The following SH3D19 variants were observed in gnomAD, a reference collection of about 807,000 sequenced individuals.
SH3D19 encodes the protein SH3 domain containing 19.
In SH3D19, 58 loss-of-function variants were observed where a neutral mutation model predicts 112.1. The ratio of observed to expected loss-of-function variants is 0.52; its 90% CI spans 0.42 to 0.64. SH3D19 has a LOEUF of 0.64. Among genes scored for constraint, SH3D19 ranks in the 30% least tolerant of loss-of-function variants. The pLI, the probability that SH3D19 is intolerant of heterozygous loss-of-function variation, is 0.00. For missense variants in SH3D19, 1,090 were observed against 1,263.4 expected (o/e 0.86, Z 2.08); for synonymous variants, 391 against 448.5 (o/e 0.87, Z 1.62).
In SH3D19 at chr4:151,148,254, T is replaced by TACAC. The variant is rs34219685; in HGVS notation, c.1818-72_1818-69dup. The TACAC allele has an allele frequency of 6.7e-3, 6,556 of 983,160 alleles. 160 individuals carry two copies. The African/African-American group carries it at 0.083, about 12-fold the overall frequency. The allele number at this position is 983,160 out of a possible 1,614,324, so 60.9% of individuals were successfully genotyped here. ...TATTAAATTCTGTCCTGTCCTGTCT[T>TACAC]ACACACACACACACACACACACACA... is the stretch of plus-strand genomic sequence containing the variant. On this transcript the variant is annotated intron_variant, in intron 10 of 19. Transcript: ENST00000604030.
At chr4:151,151,741 C>T (rs1373828969) in intron 9 of SH3D19, among the ~76,000 whole-genome samples, 1 of 152,196 alleles carries the variant, frequency 6.6e-6, no homozygotes, top group Non-Finnish European at 1.5e-5. Flanking sequence ...ACACTGCTGC[C>T]TATATTTTTC....
intron 1 of SH3D19, among the ~76,000 whole-genome samples, chr4:151,285,467 AAT>A (rs1774655011): frequency 6.6e-6 from 1 of 152,236 alleles, no homozygotes; most frequent in African/African-American, 2.4e-5. Flanking sequence ...GAAATTCACA[AAT>A]ATGTGGAAAG....
chr4:151,169,147 G>T (rs1468346897), intron 7 of SH3D19, among the ~76,000 whole-genome samples: 1 of 152,160 alleles, frequency 6.6e-6, no homozygotes, highest in African/African-American at 2.4e-5. Flanking sequence ...GATTTAAATT[G>T]AAGTAGCATA....
At chr4:151,158,682 C>CA (rs200621199) in intron 9 of SH3D19, among the ~76,000 whole-genome samples, 1,777 of 85,056 alleles carry the variant, frequency 0.021, 36 homozygotes, top group African/African-American at 0.054. Context: ...GTTGGAAGAC[C>CA]AAAAAAAAAA....
chr4:151,282,123 C>G (rs1458976358), intron 1 of SH3D19: 3 of 1,610,770 alleles, frequency 1.9e-6, no homozygotes, highest in Middle Eastern at 1.7e-4. Flanking sequence ...AGGCCATAAG[C>G]AGGCCTCCTT....
At chr4:151,231,274 C>G (rs1404812876) in intron 1 of SH3D19, among the ~76,000 whole-genome samples, 1 of 152,130 alleles carries the variant, frequency 6.6e-6, no homozygotes. Context: ...TTTTACTTAT[C>G]AGATATCAGA....
chr4:151,131,377 T>TA (rs1247655600), intron 17 of SH3D19, among the ~76,000 whole-genome samples: 52 of 152,282 alleles, frequency 3.4e-4, no homozygotes, highest in African/African-American at 1.3e-3. Context: ...CTGAATAGGT[T>TA]AAATGGTATT....
chr4:151,224,881 C>G (rs972946794), intron 2 of SH3D19, among the ~76,000 whole-genome samples: 9 of 152,104 alleles, frequency 5.9e-5, no homozygotes, highest in African/African-American at 1.9e-4. Context: ...ATAAAAGAAT[C>G]TTACGAACTG....
chr4:151,316,478 C>A (rs1322365581), intron 1 of SH3D19, among the ~76,000 whole-genome samples: 3 of 152,124 alleles, frequency 2.0e-5, no homozygotes, highest in African/African-American at 7.2e-5. Flanking sequence ...ATCTACCATA[C>A]TAAGATGCTA....
At chr4:151,167,570 T>C (rs1284821896) in intron 7 of SH3D19, among the ~76,000 whole-genome samples, 1 of 152,212 alleles carries the variant, frequency 6.6e-6, no homozygotes, top group Non-Finnish European at 1.5e-5. Context: ...AGCACTTTTA[T>C]ATCAATTTCT....
rs1248447443 is a variant in SH3D19 at position 151,208,128 on chromosome 4, T to C, written c.152+17919A>G. ...TAAAGTCCACCAGTTGATGGGACTTTATCAGGGTATAGTATGGGAGATTAT... is the reference window on the plus strand; with the variant it reads ...TAAAGTCCACCAGTTGATGGGACTTCATCAGGGTATAGTATGGGAGATTAT... On this transcript the variant is annotated intron_variant, in intron 2 of 19. Transcript: ENST00000604030. Among the ~76,000 whole-genome samples, 10 of 152,336 alleles carry C rather than the reference T, an allele frequency of 6.6e-5. No homozygotes were observed. In the East Asian group the frequency reaches 1.9e-3, roughly 29 times the overall value.
rs377219831 is a variant in SH3D19, at chr4:151,277,643, G to C, written c.112+47598C>G. On this transcript the variant is annotated intron_variant, in intron 1 of 19. Transcript: ENST00000604030. ...TAACTAAATTAAGTAAGAGGATCCA[G>C]GAAAAGAGCATCTCAAGCAGAGGGA... 2.1e-4 allele frequency among the ~76,000 whole-genome samples: 32 copies of C among 152,180 alleles called. 1 individual carries two copies. In the East Asian group the frequency reaches 2.3e-3, roughly 11 times the overall value.
intron 1 of SH3D19, among the ~76,000 whole-genome samples, chr4:151,316,485 G>A (rs775834445): frequency 6.6e-6 from 1 of 152,078 alleles, no homozygotes; most frequent in African/African-American, 2.4e-5. Context: ...ATACTAAGAT[G>A]CTAATAATCA....
chr4:151,170,482 C>T (rs1758860553), intron 7 of SH3D19: 1 of 151,820 alleles, frequency 6.6e-6, no homozygotes, highest in Non-Finnish European at 1.5e-5. Context: ...TTCTGGGGTT[C>T]AATTTAAAAG....
intron 2 of SH3D19, among the ~76,000 whole-genome samples, chr4:151,207,206 C>G (rs1389255226): frequency 3.9e-5 from 6 of 152,102 alleles, no homozygotes; most frequent in African/African-American, 1.4e-4. Context: ...TGCATCACCA[C>G]CTCATCGTTC....
chr4:151,247,401 CTTCT>C (rs1312347106), intron 1 of SH3D19, among the ~76,000 whole-genome samples: 3 of 152,170 alleles, frequency 2.0e-5, no homozygotes, highest in Non-Finnish European at 4.4e-5. Flanking sequence ...TCTATGACAA[CTTCT>C]TTGTTTCATC....
intron 1 of SH3D19, among the ~76,000 whole-genome samples, chr4:151,295,002 T>G (rs7668541): frequency 0.87 from 132,311 of 152,084 alleles, 58,448 homozygotes; most frequent in Non-Finnish European, 0.96. Flanking sequence ...AGGTTCTGAG[T>G]TTAGGTGGGT....
chr4:151,255,500 A>G (rs1490614176), intron 1 of SH3D19, among the ~76,000 whole-genome samples: 1 of 150,138 alleles, frequency 6.7e-6, no homozygotes, highest in African/African-American at 2.5e-5. Context: ...CTCACTTCCT[A>G]GGTGAGATGG....
chr4:151,159,778 C>T (rs1433860087), intron 8 of SH3D19, among the ~76,000 whole-genome samples: 1 of 152,162 alleles, frequency 6.6e-6, no homozygotes, highest in African/African-American at 2.4e-5. Flanking sequence ...TCCTCAGTTG[C>T]ACTAGCCACA....
Sources: allele counts gnomAD v4.1 joint callset (sites outside exome capture counted in the v4.1 genomes callset), GRCh38; gene constraint gnomAD v4.1.1; transcripts MANE v1.5; gene names NCBI Gene and HGNC (gene_info 2026-07-23, HGNC 2026-07-21).